GALNTL5: variants seen among roughly 807,000 people sequenced by gnomAD.
GALNTL5 encodes the protein polypeptide N-acetylgalactosaminyltransferase like 5.
Under a neutral mutation model 51.0 loss-of-function variants are expected in GALNTL5, and 44 were observed. That is an observed-to-expected ratio of 0.86 (90% CI 0.68 to 1.11). The LOEUF is 1.11. Among genes scored for constraint, GALNTL5 ranks in the 50% least tolerant of loss-of-function variants. GALNTL5 has a pLI of 0.00. For missense variants in GALNTL5, 528 were observed against 531.8 expected (o/e 0.99, Z 0.07); for synonymous variants, 192 against 182.8 (o/e 1.05, Z -0.41).
intron 5 of GALNTL5, among the ~76,000 whole-genome samples, chr7:151,989,848 A>G (rs1419065157): frequency 1.3e-5 from 2 of 152,166 alleles, no homozygotes; most frequent in Admixed American, 1.3e-4. Context: ...TAGATTGCTT[A>G]CAGATCATTT....
chr7:151,985,145 C>T (rs1238124622), intron 4 of GALNTL5, among the ~76,000 whole-genome samples: 2 of 152,166 alleles, frequency 1.3e-5, no homozygotes, highest in Non-Finnish European at 1.5e-5. Context: ...AGCTCCATCA[C>T]CCAGTTATGC....
At chr7:151,962,004 CTT>C (rs5888458) in intron 1 of GALNTL5, among the ~76,000 whole-genome samples, 4 of 131,752 alleles carry the variant, frequency 3.0e-5, no homozygotes, top group Admixed American at 7.9e-5. Context: ...TAGTTACCTT[CTT>C]TTTTTTTTTT....
intron 3 of GALNTL5, among the ~76,000 whole-genome samples, chr7:151,979,433 A>C (rs547198711): frequency 5.3e-5 from 8 of 150,652 alleles, no homozygotes; most frequent in African/African-American, 2.0e-4. Flanking sequence ...TCTTAAAAAC[A>C]GCTTTCTTAG....
chr7:151,981,927 C>T (rs1406137216), intron 3 of GALNTL5, among the ~76,000 whole-genome samples: 3 of 151,288 alleles, frequency 2.0e-5, no homozygotes, highest in Non-Finnish European at 4.4e-5. Context: ...GGATTACAGA[C>T]ATGAGCCACT....
intron 1 of GALNTL5, among the ~76,000 whole-genome samples, chr7:151,958,175 T>C (rs566499349): frequency 3.0e-4 from 46 of 152,326 alleles, no homozygotes; most frequent in African/African-American, 1.1e-3. Context: ...GCAGCACCCG[T>C]CCTTGGGCCT....
intron 3 of GALNTL5, 176 bp from the exon 4 acceptor site, chr7:151,982,810 T>A: frequency 7.5e-7 from 1 of 1,330,396 alleles, no homozygotes; most frequent in Admixed American, 2.0e-5. Flanking sequence ...TAGAACAACA[T>A]AAGAAGTTAA....
At chr7:151,999,843 G>A (rs933328719) in intron 5 of GALNTL5, among the ~76,000 whole-genome samples, 1 of 152,162 alleles carries the variant, frequency 6.6e-6, no homozygotes, top group African/African-American at 2.4e-5. Context: ...TTTTGGTTGA[G>A]GCATGAAAAT....
Position 151,977,352 on chromosome 7 carries a change from C to G in GALNTL5, c.369-5634C>G, listed in dbSNP as rs1586817781. Among the ~76,000 whole-genome samples the G allele has an allele frequency of 4.6e-5, 7 of 152,224 alleles. No individual in the cohort carries two copies. The South Asian group carries it at 1.5e-3, about 32-fold the overall frequency. ...TTAATTTATTAATTTGATTTTAACC[C>G]TTCTAGCCATATTTTATTATTTTTA... On this transcript the variant is annotated intron_variant, in intron 3 of 8. Transcript: ENST00000392800.
At chr7:151,990,287 A>G (rs1586832748) in intron 5 of GALNTL5, among the ~76,000 whole-genome samples, 2 of 151,886 alleles carry the variant, frequency 1.3e-5, no homozygotes, top group Admixed American at 1.3e-4. Context: ...CAAGTGGTCT[A>G]CCTGCCTCGG....
intron 7 of GALNTL5, among the ~76,000 whole-genome samples, chr7:152,012,898 C>T (rs565353303): frequency 3.7e-4 from 56 of 151,988 alleles, no homozygotes; most frequent in African/African-American, 1.1e-3. Context: ...ACCTGGATGG[C>T]GGGGCATCCA....
intron 1 of GALNTL5, among the ~76,000 whole-genome samples, chr7:151,959,558 C>T (rs948115698): frequency 2.0e-5 from 3 of 152,160 alleles, no homozygotes; most frequent in Non-Finnish European, 2.9e-5. Context: ...GGGGATATTC[C>T]TGTTGTAATA....
chr7:151,999,821 T>C (rs2081548423), intron 5 of GALNTL5, among the ~76,000 whole-genome samples: 1 of 152,238 alleles, frequency 6.6e-6, no homozygotes, highest in South Asian at 2.1e-4. Flanking sequence ...AATGGGACTC[T>C]TGTTAGCTCA....
chr7:151,999,064 T>G (rs12671019), intron 5 of GALNTL5, among the ~76,000 whole-genome samples: 2 of 151,826 alleles, frequency 1.3e-5, no homozygotes, highest in Non-Finnish European at 2.9e-5. Context: ...CCCTCCAGTC[T>G]CTGGCAACCA....
rs138156636 is a variant in GALNTL5, at chr7:152,002,882, T to G, written c.827T>G (p.Phe276Cys). 3 of 1,613,944 alleles carry G rather than the reference T, an allele frequency of 1.9e-6. No individual in the cohort carries two copies. The highest frequency in any genetic ancestry group is 2.7e-5 in the African/African-American group (2 of 74,894). The change falls in exon 6 of 9, where the codon TTT becomes TGT. Residue 276 changes from phenylalanine to cysteine, a missense_variant. By Grantham distance (205) the Phe-to-Cys change is radical (BLOSUM62 -2). Transcript: ENST00000392800. Reference protein sequence around the residue: ...YKPSPLVRGTFDWNLQFKWDN... With the variant: ...YKPSPLVRGTCDWNLQFKWDN... ...CCCTCTCCTCTTGTAAGGGGAACTT[T>G]TGATTGGAACCTACAATTTAAATGG... is the stretch of plus-strand genomic sequence containing the variant.
chr7:151,974,735 C>A (rs1209247744), intron 3 of GALNTL5, among the ~76,000 whole-genome samples: 2 of 150,498 alleles, frequency 1.3e-5, no homozygotes, highest in Non-Finnish European at 2.9e-5. Context: ...TTATGAATTT[C>A]TCTCTGTATC....
rs777538163 is a variant in GALNTL5 at position 151,967,416 on chromosome 7, T to C, written c.170T>C (p.Ile57Thr). ...SPGKKVHQQI[I>T]YGSEQIPKPH... ...GGAAAAAAAGTGCATCAGCAAATTA[T>C]CTATGGCTCAGAGCAAATACCAAAA... is the stretch of plus-strand genomic sequence containing the variant. The change falls in exon 2 of 9, where the codon ATC becomes ACC. Residue 57 changes from isoleucine to threonine, a missense_variant. By Grantham distance (89) the Ile-to-Thr change is moderately conservative. Transcript: ENST00000392800. The C allele has an allele frequency of 6.2e-7, 1 of 1,614,080 alleles. No homozygotes were observed. The highest frequency in any genetic ancestry group is 2.2e-5 in the East Asian group (1 of 44,872).
intron 2 of GALNTL5, 54 bp downstream of exon 2, chr7:151,967,547 A>C: frequency 6.7e-7 from 1 of 1,497,628 alleles, no homozygotes; most frequent in East Asian, 2.3e-5. Flanking sequence ...ATGTACAACA[A>C]TATTTAATAT....
At chr7:152,010,718 AGATCGTGCCACTGCATTCCAGCCTGGGCG>A (rs2081722540) in intron 7 of GALNTL5, among the ~76,000 whole-genome samples, 1 of 151,910 alleles carries the variant, frequency 6.6e-6, no homozygotes, top group African/African-American at 2.4e-5. Flanking sequence ...CAGTGAGCCG[AGATCGTGCCACTGCATTCCAGCCTGGGCG>A]GACAGAGCGA....
intron 8 of GALNTL5, among the ~76,000 whole-genome samples, chr7:152,019,092 T>C (rs1004939129): frequency 2.6e-5 from 4 of 152,166 alleles, no homozygotes; most frequent in African/African-American, 9.7e-5. Flanking sequence ...TGACACTTAG[T>C]ATGTGCCAAC....
Sources: gnomAD v4.1 joint callset for allele counts (sites outside exome capture counted in the v4.1 genomes callset) on GRCh38, gnomAD v4.1.1 for gene constraint, MANE v1.5 for transcripts, NCBI Gene and HGNC (gene_info 2026-07-23, HGNC 2026-07-21) for gene names.